Variants in PTPN13 observed in about 807,000 individuals in gnomAD.
PTPN13 encodes the protein protein tyrosine phosphatase non-receptor type 13.
A neutral mutation model predicts 284.0 loss-of-function variants in PTPN13; 191 were observed. The observed-to-expected ratio is 0.67, with a 90% CI of 0.60 to 0.76. PTPN13 has a LOEUF of 0.76. Among genes scored for constraint, PTPN13 ranks in the 30% least tolerant of loss-of-function variants. PTPN13 has a pLI of 0.00. For synonymous variants in PTPN13, 986 were observed against 1,022.3 expected (o/e 0.96, Z 0.68); for missense variants, 2,797 against 2,939.9 (o/e 0.95, Z 1.12).
chr4:86,755,583 G>A (rs914158648), intron 20 of PTPN13, among the ~76,000 whole-genome samples: 7 of 152,050 alleles, frequency 4.6e-5, no homozygotes, highest in Admixed American at 1.3e-4. Context: ...TGACTTTACA[G>A]TGGTGCAAAA....
At chr4:86,657,133 C>G (rs1030945438) in intron 2 of PTPN13, among the ~76,000 whole-genome samples, 5 of 152,138 alleles carry the variant, frequency 3.3e-5, no homozygotes, top group African/African-American at 1.2e-4. Context: ...CACAGCTTCC[C>G]TTGGCTAGGA....
At chr4:86,781,242 G>T (rs1216937906) in intron 36 of PTPN13, among the ~76,000 whole-genome samples, 2 of 151,932 alleles carry the variant, frequency 1.3e-5, no homozygotes, top group Non-Finnish European at 2.9e-5. Context: ...GTTCTTAAAT[G>T]TATTTACCTA....
chr4:86,728,949 C>T (rs1262355561), intron 10 of PTPN13, among the ~76,000 whole-genome samples: 6 of 148,592 alleles, frequency 4.0e-5, no homozygotes, highest in African/African-American at 1.5e-4. Context: ...ATGGTCTTTA[C>T]AATTTGGCAT....
intron 19 of PTPN13, 68 bp downstream of exon 19, chr4:86,751,192 C>T (rs1737345945): frequency 4.4e-6 from 5 of 1,142,532 alleles, no homozygotes; most frequent in Non-Finnish European, 5.0e-6. Context: ...ACAAGATCAT[C>T]TTAATTATCA....
chr4:86,774,042 T>G (rs756589950), intron 32 of PTPN13, among the ~76,000 whole-genome samples: 1 of 152,164 alleles, frequency 6.6e-6, no homozygotes, highest in Non-Finnish European at 1.5e-5. Flanking sequence ...AGAAAGTATT[T>G]TTTGATCATC....
intron 41 of PTPN13, 34 bp downstream of exon 41, chr4:86,796,963 T>C: frequency 3.2e-6 from 4 of 1,252,482 alleles, no homozygotes; most frequent in Non-Finnish European, 4.6e-6. Context: ...TCCATAATGC[T>C]TCTGTCTATC....
intron 31 of PTPN13, 119 bp from the exon 32 acceptor site, chr4:86,772,659 T>C: frequency 1.3e-6 from 1 of 785,640 alleles, no homozygotes; most frequent in Non-Finnish European, 2.0e-6. Flanking sequence ...AAAAAGTAAC[T>C]AGGATCTCAA....
chr4:86,732,362 A>G (rs1735035722), intron 10 of PTPN13, 38 bp from the exon 11 acceptor site: 4 of 1,444,980 alleles, frequency 2.8e-6, no homozygotes, highest in Non-Finnish European at 3.7e-6. Context: ...ACTAGAATAA[A>G]TAGTAAAAAA....
At chr4:86,737,778 G>C (rs965564600) in intron 15 of PTPN13, among the ~76,000 whole-genome samples, 1 of 151,998 alleles carries the variant, frequency 6.6e-6, no homozygotes, top group Non-Finnish European at 1.5e-5. Flanking sequence ...TTGCCAGGTA[G>C]GAGTGCAGTG....
Position 86,693,068 on chromosome 4 carries a change from A to AT in PTPN13, c.547-516dup, listed in dbSNP as rs1177058052. On this transcript the variant is annotated intron_variant, in intron 5 of 47. Transcript: ENST00000411767. The stretch of plus-strand genomic sequence containing the variant: ...GGGTGACAGAGTGAGACTCCGTTAT[A>AT]TTTAAAAAAAAAAAAAAAAAAAAAA... Among the ~76,000 whole-genome samples, 7 of 81,186 alleles carry AT rather than the reference A, an allele frequency of 8.6e-5. No homozygotes were observed. In the South Asian group the frequency reaches 4.0e-3, roughly 46 times the overall value. The allele number at this position is 81,186 out of a possible 152,430, so 53.3% of individuals were successfully genotyped here. A position where few individuals can be genotyped will look rare whatever the true frequency, so the allele number is the denominator to read the frequency against.
chr4:86,722,176 C>T, intron 9 of PTPN13, 36 bp from the exon 10 acceptor site: 1 of 1,538,098 alleles, frequency 6.5e-7, no homozygotes. Flanking sequence ...AATTGTTTTC[C>T]TCCCAATCCT....
At chr4:86,611,606 G>T (rs750088527) in intron 1 of PTPN13, among the ~76,000 whole-genome samples, 4 of 152,212 alleles carry the variant, frequency 2.6e-5, no homozygotes, top group Non-Finnish European at 5.9e-5. Flanking sequence ...ACAGTGATCC[G>T]TGAGAGATGG....
At chr4:86,746,770 A>G (rs1736812152) in intron 17 of PTPN13, among the ~76,000 whole-genome samples, 1 of 152,080 alleles carries the variant, frequency 6.6e-6, no homozygotes, top group Non-Finnish European at 1.5e-5. Context: ...CTAGGGGATT[A>G]CAGGCACCCG....
chr4:86,625,290 G>GTC (rs1721704004), intron 1 of PTPN13, among the ~76,000 whole-genome samples: 1 of 151,724 alleles, frequency 6.6e-6, no homozygotes, highest in South Asian at 2.1e-4. Context: ...ACTGTTTCTT[G>GTC]TCTCTCTCTT....
intron 6 of PTPN13, among the ~76,000 whole-genome samples, chr4:86,695,121 T>C (rs1027970832): frequency 2.6e-5 from 4 of 152,116 alleles, no homozygotes; most frequent in Non-Finnish European, 5.9e-5. Flanking sequence ...CAGTTAAGTA[T>C]CTGTTTTGGT....
chr4:86,741,178 C>G (rs1277697691), intron 15 of PTPN13, among the ~76,000 whole-genome samples: 1 of 152,210 alleles, frequency 6.6e-6, no homozygotes, highest in Non-Finnish European at 1.5e-5. Context: ...TCCACATCTT[C>G]AGGTATCTTT....
At chr4:86,605,230 A>G (rs1764648625) in intron 1 of PTPN13, among the ~76,000 whole-genome samples, 1 of 151,986 alleles carries the variant, frequency 6.6e-6, no homozygotes, top group Non-Finnish European at 1.5e-5. Context: ...CAATAGTTCC[A>G]GATGCCACAG....
chr4:86,655,951 T>C (rs1725750011), intron 2 of PTPN13, among the ~76,000 whole-genome samples: 2 of 152,220 alleles, frequency 1.3e-5, no homozygotes, highest in African/African-American at 2.4e-5. Flanking sequence ...CTTTTTACTC[T>C]TTTTTCTCTA....
rs1018546362 is a variant in PTPN13 at position 86,723,289 on chromosome 4, C to T, written c.1608+855C>T. On this transcript the variant is annotated intron_variant, in intron 10 of 47. Coordinates refer to ENST00000411767, the MANE Select transcript of PTPN13 (RefSeq NM_080683.3). Reference sequence around the variant, plus strand: ...CCAGCATTGGTCCATGGCCTGGTCACAGCAGGAGGTGAGCAAGGAGCTAGC... The same window carrying T: ...CCAGCATTGGTCCATGGCCTGGTCATAGCAGGAGGTGAGCAAGGAGCTAGC... 5.3e-5 allele frequency among the ~76,000 whole-genome samples: 8 copies of T among 152,332 alleles called. 1 individual carries two copies. In the South Asian group the frequency reaches 1.7e-3, roughly 32 times the overall value.
Sources: gnomAD v4.1 joint callset for allele counts (sites outside exome capture counted in the v4.1 genomes callset) on GRCh38, gnomAD v4.1.1 for gene constraint, MANE v1.5 for transcripts, NCBI Gene and HGNC (gene_info 2026-07-23, HGNC 2026-07-21) for gene names.